The following IGF2BP2 variants were observed in gnomAD, a reference collection of about 807,000 sequenced individuals.
IGF2BP2 encodes the protein insulin-like growth factor 2 mRNA-binding protein 2.
IGF2BP2 carries 17 observed loss-of-function variants against 75.8 expected under a neutral mutation model. That is an observed-to-expected ratio of 0.22 (90% CI 0.15 to 0.34). The LOEUF is 0.34. Ranked by LOEUF, IGF2BP2 falls within the 10% of genes least tolerant of loss-of-function variation. The pLI, the probability that IGF2BP2 is intolerant of heterozygous loss-of-function variation, is 1.00. For synonymous variants in IGF2BP2, 288 were observed against 295.6 expected (o/e 0.97, Z 0.26); for missense variants, 516 against 772.4 (o/e 0.67, Z 3.93).
chr3:185,728,613 A>G (rs1284307768), intron 2 of IGF2BP2: 1 of 152,192 alleles, frequency 6.6e-6, no homozygotes, highest in African/African-American at 2.4e-5. Context: ...CAAAATACTA[A>G]TTAATATTTA....
intron 2 of IGF2BP2, among the ~76,000 whole-genome samples, chr3:185,792,942 A>G (rs781369641): frequency 6.6e-6 from 1 of 152,030 alleles, no homozygotes; most frequent in Non-Finnish European, 1.5e-5. Flanking sequence ...TTCCTCCTCT[A>G]TCTCAGCCAG....
chr3:185,793,381 C>G (rs1488338466), intron 2 of IGF2BP2, among the ~76,000 whole-genome samples: 2 of 152,150 alleles, frequency 1.3e-5, no homozygotes, highest in Admixed American at 6.6e-5. Flanking sequence ...CATAAAGCAC[C>G]TAGCCCAGTA....
chr3:185,748,597 C>A (rs1404059613), intron 2 of IGF2BP2, among the ~76,000 whole-genome samples: 1 of 152,190 alleles, frequency 6.6e-6, no homozygotes, highest in Non-Finnish European at 1.5e-5. Context: ...TCATTATAGA[C>A]TGAATTCTTC....
At chr3:185,776,348 A>T (rs1033764375) in intron 2 of IGF2BP2, among the ~76,000 whole-genome samples, 6 of 152,190 alleles carry the variant, frequency 3.9e-5, no homozygotes, top group Non-Finnish European at 1.5e-5. Flanking sequence ...GAGAGAACAG[A>T]TCCACAACAT....
intron 2 of IGF2BP2, among the ~76,000 whole-genome samples, chr3:185,732,882 G>A (rs374375083): frequency 5.9e-5 from 9 of 152,134 alleles, no homozygotes; most frequent in African/African-American, 2.2e-4. Context: ...ATGTGTATAC[G>A]TTTTGAAAAA....
intron 2 of IGF2BP2, among the ~76,000 whole-genome samples, chr3:185,821,352 A>G (rs143070295): frequency 6.6e-6 from 1 of 152,328 alleles, no homozygotes; most frequent in East Asian, 1.9e-4. Flanking sequence ...ATCAACTAAT[A>G]GGGCTGTATA....
chr3:185,779,745 G>A (rs2149795088), intron 2 of IGF2BP2, among the ~76,000 whole-genome samples: 1 of 133,488 alleles, frequency 7.5e-6, no homozygotes, highest in South Asian at 2.4e-4. Context: ...CACCGTAACT[G>A]TCCTCTGAAA....
chr3:185,716,339 G>GT (rs1312557943), intron 2 of IGF2BP2: 4 of 414,776 alleles, frequency 9.6e-6, no homozygotes, highest in Admixed American at 2.8e-5. Flanking sequence ...AAACACTGAC[G>GT]TAACTGATTT....
intron 2 of IGF2BP2, among the ~76,000 whole-genome samples, chr3:185,767,103 C>T (rs771251634): frequency 3.3e-5 from 5 of 152,166 alleles, no homozygotes; most frequent in Non-Finnish European, 7.3e-5. Flanking sequence ...CCCAATCTGG[C>T]AGAGGCAGTT....
intron 2 of IGF2BP2, among the ~76,000 whole-genome samples, chr3:185,754,319 C>T (rs1484058912): frequency 1.3e-5 from 2 of 152,032 alleles, no homozygotes; most frequent in East Asian, 3.9e-4. Flanking sequence ...TAGAAGCTTC[C>T]ACAGGCCTCA....
At chr3:185,768,251 A>C (rs1733361870) in intron 2 of IGF2BP2, among the ~76,000 whole-genome samples, 1 of 152,236 alleles carries the variant, frequency 6.6e-6, no homozygotes. Flanking sequence ...AACTTTCCCA[A>C]GAGTATCTCT....
intron 2 of IGF2BP2, among the ~76,000 whole-genome samples, chr3:185,777,351 A>C (rs1013293344): frequency 6.6e-6 from 1 of 152,200 alleles, no homozygotes; most frequent in African/African-American, 2.4e-5. Context: ...CAAAACAAAA[A>C]AAATTAGCTA....
intron 2 of IGF2BP2, among the ~76,000 whole-genome samples, chr3:185,819,716 A>T (rs1019425332): frequency 6.6e-6 from 1 of 152,112 alleles, no homozygotes; most frequent in Non-Finnish European, 1.5e-5. Context: ...GCAGGTATTA[A>T]TTTCTAAGTC....
At chr3:185,701,088 A>AT (rs1215598339) in intron 2 of IGF2BP2, among the ~76,000 whole-genome samples, 3 of 152,012 alleles carry the variant, frequency 2.0e-5, no homozygotes, top group Non-Finnish European at 2.9e-5. Context: ...ACTTTTTTAT[A>AT]TTTTTTTAAA....
rs569373017 is a variant in IGF2BP2 at position 185,794,326 on chromosome 3, C to T, written c.239+28827G>A. On this transcript the variant is annotated intron_variant, in intron 2 of 15. Coordinates refer to ENST00000382199, the MANE Select transcript of IGF2BP2 (RefSeq NM_006548.6). Reference sequence around the variant, plus strand: ...TCACAGGTGTGTCTGGCTCCTTATCCTCACACAGGCAGTTGTTCCTAAATA... The same window carrying T: ...TCACAGGTGTGTCTGGCTCCTTATCTTCACACAGGCAGTTGTTCCTAAATA... 2.3e-4 allele frequency among the ~76,000 whole-genome samples: 19 copies of T among 81,152 alleles called. 5 individuals carry two copies. The South Asian group carries it at 7.2e-3, about 31-fold the overall frequency. 53.2% of individuals were successfully genotyped at this position (81,152 alleles called of 152,430 possible). A position where few individuals can be genotyped will look rare whatever the true frequency, so the allele number is the denominator to read the frequency against.
At chr3:185,822,664 A>G (rs1741512378) in intron 2 of IGF2BP2, among the ~76,000 whole-genome samples, 1 of 152,250 alleles carries the variant, frequency 6.6e-6, no homozygotes, top group African/African-American at 2.4e-5. Flanking sequence ...TTCTTTAGAA[A>G]GCTATGCAAA....
chr3:185,716,862 C>G, intron 2 of IGF2BP2: 1 of 491,868 alleles, frequency 2.0e-6, no homozygotes, highest in Non-Finnish European at 4.0e-6. Context: ...ACAGCCCTTA[C>G]CTGGTGGCTT....
At chr3:185,700,600 A>C (rs533134547) in intron 2 of IGF2BP2, among the ~76,000 whole-genome samples, 1 of 152,360 alleles carries the variant, frequency 6.6e-6, no homozygotes, top group African/African-American at 2.4e-5. Flanking sequence ...AGTCTGTAGA[A>C]AGGGCATCAG....
chr3:185,765,303 T>C (rs1418649189), intron 2 of IGF2BP2, among the ~76,000 whole-genome samples: 2 of 152,152 alleles, frequency 1.3e-5, no homozygotes, highest in Non-Finnish European at 2.9e-5. Context: ...AAATTAAATA[T>C]AGTTTCTTTC....
Sources: gnomAD v4.1 joint callset for allele counts (sites outside exome capture counted in the v4.1 genomes callset) on GRCh38, gnomAD v4.1.1 for gene constraint, MANE v1.5 for transcripts, NCBI Gene and HGNC (gene_info 2026-07-23, HGNC 2026-07-21) for gene names.